Variants in DCC observed in about 807,000 individuals in gnomAD.
DCC encodes DCC netrin 1 receptor.
Under a neutral mutation model 172.5 loss-of-function variants are expected in DCC, and 58 were observed. The observed-to-expected ratio is 0.34, with a 90% CI of 0.27 to 0.42. The LOEUF (loss-of-function observed/expected upper bound fraction) is 0.42. Ranked by LOEUF, DCC falls within the 10% of genes least tolerant of loss-of-function variation. DCC has a pLI of 1.00. For synonymous variants in DCC, 709 were observed against 644.5 expected, an observed-to-expected ratio of 1.10 and a Z score of -1.52; for missense variants, 1,740 against 1,791.0, an observed-to-expected ratio of 0.97 and a Z score of 0.51.
intron 1 of DCC, among the ~76,000 whole-genome samples, chr18:52,629,811 G>C (rs968463540): frequency 6.6e-6 from 1 of 151,980 alleles, no homozygotes; most frequent in South Asian, 2.1e-4. Flanking sequence ...TTAGCTGGGC[G>C]TGCTGGCGGG....
intron 1 of DCC, among the ~76,000 whole-genome samples, chr18:52,352,156 A>G (rs1984152654): frequency 6.6e-6 from 1 of 152,208 alleles, no homozygotes; most frequent in Non-Finnish European, 1.5e-5. Flanking sequence ...TTAGCTATAT[A>G]CAATATCTAT....
At chr18:53,519,230 A>G (rs956190496) in intron 27 of DCC, among the ~76,000 whole-genome samples, 1 of 152,142 alleles carries the variant, frequency 6.6e-6, no homozygotes, top group African/African-American at 2.4e-5. Flanking sequence ...AAGAAATTAG[A>G]CTATCGAGCC....
intron 13 of DCC, among the ~76,000 whole-genome samples, chr18:53,319,743 C>A (rs1221775995): frequency 6.6e-6 from 1 of 152,252 alleles, no homozygotes; most frequent in Non-Finnish European, 1.5e-5. Context: ...ACAGCCATGG[C>A]AGGGCAGAAG....
rs559423773 is a variant in DCC, at chr18:52,515,558, G to T, written c.91+174680G>T. On this transcript the variant is annotated intron_variant, in intron 1 of 28. Transcript: ENST00000442544. ...GGAGGCTGAGCTTGCAGTGAGCCGA[G>T]ATAGTGCCACTGCACTCCAGCCTGG... Among the ~76,000 whole-genome samples the T allele has an allele frequency of 3.7e-3, 458 of 123,018 alleles. 2 individuals are homozygous for T. The highest frequency in any genetic ancestry group is 5.7e-3 in the Non-Finnish European group (358 of 62,470). 80.7% of individuals were successfully genotyped at this position (123,018 alleles called of 152,430 possible).
chr18:53,111,909 C>T (rs2043338587), intron 7 of DCC, among the ~76,000 whole-genome samples: 1 of 151,626 alleles, frequency 6.6e-6, no homozygotes, highest in African/African-American at 2.4e-5. Context: ...TTGAATGCTT[C>T]ATTGTCTCAC....
At chr18:52,910,524 C>G (rs576271575) in intron 3 of DCC, among the ~76,000 whole-genome samples, 2 of 152,032 alleles carry the variant, frequency 1.3e-5, no homozygotes, top group Non-Finnish European at 2.9e-5. Flanking sequence ...TAACAAAACA[C>G]TAAGAGTTGA....
At chr18:52,787,766 A>G (rs535764544) in intron 2 of DCC, among the ~76,000 whole-genome samples, 2 of 152,256 alleles carry the variant, frequency 1.3e-5, no homozygotes, top group Non-Finnish European at 2.9e-5. Context: ...ATGTTATGAA[A>G]TAGAATCCCA....
intron 5 of DCC, among the ~76,000 whole-genome samples, chr18:52,959,839 G>A (rs1321453825): frequency 1.3e-5 from 2 of 152,100 alleles, no homozygotes; most frequent in African/African-American, 4.8e-5. Flanking sequence ...TGGGATACTA[G>A]TATGTTTTCA....
At chr18:53,146,087 C>A (rs2043908124) in intron 7 of DCC, among the ~76,000 whole-genome samples, 2 of 151,984 alleles carry the variant, frequency 1.3e-5, no homozygotes, top group Admixed American at 1.3e-4. Flanking sequence ...CAAAAATTAG[C>A]TGGGCATGGT....
At chr18:53,415,760 C>T (rs920042872) in intron 20 of DCC, among the ~76,000 whole-genome samples, 15 of 151,864 alleles carry the variant, frequency 9.9e-5, no homozygotes, top group Middle Eastern at 3.4e-3. Flanking sequence ...AAATAGCTTC[C>T]TGAATTTTCT....
chr18:53,348,645 C>A (rs1482735757), intron 15 of DCC, among the ~76,000 whole-genome samples: 3 of 152,154 alleles, frequency 2.0e-5, no homozygotes, highest in Non-Finnish European at 4.4e-5. Context: ...CCAGAAACTT[C>A]TGCCTGGACA....
intron 1 of DCC, among the ~76,000 whole-genome samples, chr18:52,654,211 G>C (rs893171833): frequency 1.3e-5 from 2 of 152,130 alleles, no homozygotes; most frequent in African/African-American, 4.8e-5. Context: ...GAAACATACA[G>C]TTTGGTTATG....
At chr18:53,261,975 A>G (rs544848609) in intron 12 of DCC, among the ~76,000 whole-genome samples, 1 of 152,322 alleles carries the variant, frequency 6.6e-6, no homozygotes, top group South Asian at 2.1e-4. Flanking sequence ...TCTGTGTCTC[A>G]GGCTGTGTGA....
intron 1 of DCC, among the ~76,000 whole-genome samples, chr18:52,623,189 G>C (rs74573530): frequency 6.6e-6 from 1 of 152,074 alleles, no homozygotes; most frequent in African/African-American, 2.4e-5. Flanking sequence ...AACTTTGAAG[G>C]GTATATTGGA....
chr18:52,370,177 C>T (rs973753354), intron 1 of DCC, among the ~76,000 whole-genome samples: 1 of 152,020 alleles, frequency 6.6e-6, no homozygotes, highest in Non-Finnish European at 1.5e-5. Context: ...GGCGATTCCT[C>T]GAAGATCTAG....
chr18:52,884,714 A>G (rs766264397), intron 2 of DCC, among the ~76,000 whole-genome samples: 2 of 152,130 alleles, frequency 1.3e-5, no homozygotes, highest in Non-Finnish European at 1.5e-5. Context: ...TATTTAGTTC[A>G]TTTGGTAAAG....
chr18:52,390,506 G>C (rs1211082527), intron 1 of DCC, among the ~76,000 whole-genome samples: 7 of 152,060 alleles, frequency 4.6e-5, no homozygotes, highest in Non-Finnish European at 7.4e-5. Context: ...AAAGAAGTTT[G>C]CATCATTTAT....
At chr18:52,840,656 T>C (rs2038787624) in intron 2 of DCC, among the ~76,000 whole-genome samples, 1 of 152,212 alleles carries the variant, frequency 6.6e-6, no homozygotes, top group Non-Finnish European at 1.5e-5. Context: ...TAGTCCAAAC[T>C]GCTCACGCAG....
chr18:52,803,899 T>C (rs865836197), intron 2 of DCC, among the ~76,000 whole-genome samples: 1 of 152,138 alleles, frequency 6.6e-6, no homozygotes, highest in Non-Finnish European at 1.5e-5. Flanking sequence ...GAAATAGATA[T>C]TTTTAATCCT....
Sources: allele counts gnomAD v4.1 joint callset (sites outside exome capture counted in the v4.1 genomes callset), GRCh38; gene constraint gnomAD v4.1.1; transcripts MANE v1.5; gene names NCBI Gene and HGNC (gene_info 2026-07-23, HGNC 2026-07-21).